PCNX1: variants seen among roughly 807,000 people sequenced by gnomAD.
PCNX1 encodes pecanex 1, also known as pecanex-like protein 1.
In PCNX1, 78 loss-of-function variants were observed where a neutral mutation model predicts 242.2. The ratio of observed to expected loss-of-function variants is 0.32; its 90% CI spans 0.27 to 0.39. The LOEUF (loss-of-function observed/expected upper bound fraction) is 0.39, where lower values mean the gene tolerates loss of function less well. Ranked by LOEUF, PCNX1 falls within the 10% of genes least tolerant of loss-of-function variation. The pLI is 1.00. For synonymous variants in PCNX1, 1,024 were observed against 1,032.9 expected, an observed-to-expected ratio of 0.99 and a Z score of 0.17; for missense variants, 2,581 against 2,856.5, an observed-to-expected ratio of 0.90 and a Z score of 2.20.
intron 30 of PCNX1, chr14:71,092,790 G>T (rs1220963188): frequency 6.6e-6 from 1 of 152,140 alleles, no homozygotes; most frequent in South Asian, 2.1e-4. Flanking sequence ...TGACCCCTAA[G>T]CCTTGAGGGG....
chr14:70,945,605 A>T lies in PCNX1; in HGVS notation c.154-1310A>T, dbSNP rs372878820. ...TTTTTTTTTAAAGAAATTTGATCAT[A>T]CCTGTATTCTAAACCTGTCTGGCCC... is the stretch of plus-strand genomic sequence containing the variant. On this transcript the variant is annotated intron_variant, in intron 1 of 35. Transcript: ENST00000304743. Among the ~76,000 whole-genome samples, 31 of 151,188 alleles carry T rather than the reference A, an allele frequency of 2.1e-4. No individual in the cohort carries two copies. In the East Asian group the frequency reaches 5.2e-3, roughly 26 times the overall value.
At position 70,947,096 on chromosome 14, in the gene PCNX1, C is replaced by T; in HGVS notation, c.335C>T (p.Thr112Ile). 6.2e-7 allele frequency: 1 copy of T among 1,612,104 alleles called. No individual in the cohort carries two copies. Among genetic ancestry groups the T allele is most frequent in the Non-Finnish European group, 8.5e-7 (1 of 1,179,032 alleles). Residue 112 changes from threonine (T) to isoleucine (I), a missense_variant, in exon 2 of 36, where the codon ACC becomes ATC. Physicochemically the swap from Thr to Ile is moderately conservative, Grantham distance 89. Transcript: ENST00000304743. ...AAAGCTGAACAAGGCAACTGTTCAA[C>T]CAGGAGAAAAGACAGCAATGGACCG... ...RTKAEQGNCS[T>I]RRKDSNGPSD...
intron 21 of PCNX1, 81 bp from the exon 22 acceptor site, chr14:71,047,726 A>G: frequency 8.5e-7 from 1 of 1,178,950 alleles, no homozygotes; most frequent in East Asian, 2.4e-5. Flanking sequence ...TTAGTAAAGT[A>G]AATGGTGAAT....
intron 11 of PCNX1, among the ~76,000 whole-genome samples, chr14:71,013,987 T>C (rs2059892279): frequency 1.3e-5 from 2 of 152,190 alleles, no homozygotes; most frequent in African/African-American, 4.8e-5. Context: ...CTTGACTGTT[T>C]GGCAGAGTAT....
chr14:71,045,299 G>C lies in PCNX1; in HGVS notation c.4018+16G>C. The C allele has an allele frequency of 6.4e-7, 1 of 1,571,812 alleles. No homozygotes were observed. Among genetic ancestry groups the C allele is most frequent in the Non-Finnish European group, 8.7e-7 (1 of 1,154,608 alleles). ...GAAGTTCGAAGTAAGTATTTCATTA[G>C]CACTTTTTCTTTTTAATACTATGAG... On this transcript the variant is annotated intron_variant, in intron 20 of 35. Coordinates refer to ENST00000304743, the MANE Select transcript of PCNX1 (RefSeq NM_014982.3).
intron 30 of PCNX1, among the ~76,000 whole-genome samples, chr14:71,095,387 T>C (rs1185155504): frequency 1.3e-5 from 2 of 152,228 alleles, no homozygotes; most frequent in South Asian, 2.1e-4. Flanking sequence ...AAAAAAATAG[T>C]GTATCCTGTG....
At chr14:71,065,710 T>C (rs2061429298) in intron 26 of PCNX1, among the ~76,000 whole-genome samples, 1 of 152,210 alleles carries the variant, frequency 6.6e-6, no homozygotes, top group Non-Finnish European at 1.5e-5. Flanking sequence ...CTGAATGGTA[T>C]TGTCTAGCTT....
intron 18 of PCNX1, among the ~76,000 whole-genome samples, chr14:71,034,980 G>C (rs938241665): frequency 1.3e-5 from 2 of 152,088 alleles, no homozygotes; most frequent in African/African-American, 2.4e-5. Flanking sequence ...AGTAAAATAG[G>C]ACTTAAGCAC....
rs2061719276 is a variant in PCNX1, at chr14:71,076,377, T to G, written c.5295T>G (p.Ile1765Met). The part of the protein sequence containing the change: ...AGISRESFCV[I>M]YLNWIEYCSS... Reference sequence around the variant, plus strand: ...TATCTAGGGAGAGTTTCTGTGTGATTTACCTCAACTGGATAGAGTACTGCT... The same window carrying G: ...TATCTAGGGAGAGTTTCTGTGTGATGTACCTCAACTGGATAGAGTACTGCT... The change falls in exon 28 of 36, where the codon ATT becomes ATG. Residue 1765 changes from isoleucine to methionine, a missense_variant. Ile to Met is a conservative substitution (Grantham distance 10). Around this residue, in one of 9 missense-constraint regions of PCNX1, gnomAD observed 298 missense variants for 480.1 expected, o/e 0.62. Transcript: ENST00000304743. 1.2e-6 allele frequency: 2 copies of G among 1,612,574 alleles called. No homozygotes were observed. Among genetic ancestry groups the G allele is most frequent in the Non-Finnish European group, 1.7e-6 (2 of 1,178,778 alleles).
At chr14:71,044,916 T>G (rs936154430) in intron 19 of PCNX1, among the ~76,000 whole-genome samples, 2 of 152,248 alleles carry the variant, frequency 1.3e-5, no homozygotes, top group Non-Finnish European at 1.5e-5. Flanking sequence ...TTAACCCGTT[T>G]CAAAATATCT....
intron 1 of PCNX1, among the ~76,000 whole-genome samples, chr14:70,934,658 AG>A (rs1341670759): frequency 6.6e-6 from 1 of 152,200 alleles, no homozygotes; most frequent in Non-Finnish European, 1.5e-5. Context: ...ACAAGTCTCT[AG>A]GAAGTTCCAA....
chr14:71,051,290 T>C (rs907005314), intron 23 of PCNX1, among the ~76,000 whole-genome samples: 14 of 151,210 alleles, frequency 9.3e-5, no homozygotes, highest in Non-Finnish European at 1.8e-4. Flanking sequence ...AAGAAAACTA[T>C]ACAGGTTTTG....
At position 71,077,294 on chromosome 14, in the gene PCNX1, A is replaced by C. The variant is rs111978770; in HGVS notation, c.5337+875A>C. Reference sequence around the variant, plus strand: ...TGCAGTGCCAAGGCCTGTGATTACAAAGCTAATTCCTACCACCACTGCTGC... The same window carrying C: ...TGCAGTGCCAAGGCCTGTGATTACACAGCTAATTCCTACCACCACTGCTGC... On this transcript the variant is annotated intron_variant, in intron 28 of 35. Coordinates refer to ENST00000304743, the MANE Select transcript of PCNX1 (RefSeq NM_014982.3). Among the ~76,000 whole-genome samples, 1,218 of 152,298 alleles carry C rather than the reference A, an allele frequency of 8.0e-3. 15 individuals carry two copies. The highest frequency in any genetic ancestry group is 0.028 in the African/African-American group (1,146 of 41,584).
intron 16 of PCNX1, among the ~76,000 whole-genome samples, chr14:71,029,784 G>T (rs553395501): frequency 1.3e-5 from 2 of 152,298 alleles, no homozygotes; most frequent in South Asian, 4.1e-4. Context: ...ATTTCTGGAG[G>T]TTTGGGTACA....
At chr14:70,946,118 A>C (rs1462328660) in intron 1 of PCNX1, among the ~76,000 whole-genome samples, 3 of 152,134 alleles carry the variant, frequency 2.0e-5, no homozygotes, top group Admixed American at 1.3e-4. Flanking sequence ...TGGCTGACTT[A>C]TTTTATTTAA....
intron 27 of PCNX1, among the ~76,000 whole-genome samples, chr14:71,075,725 C>T (rs1378969793): frequency 6.6e-6 from 1 of 151,930 alleles, no homozygotes; most frequent in South Asian, 2.1e-4. Flanking sequence ...GGTGAAAACC[C>T]ATCTCTACTA....
At chr14:70,921,000 G>T (rs115912321) in intron 1 of PCNX1, among the ~76,000 whole-genome samples, 3 of 152,098 alleles carry the variant, frequency 2.0e-5, no homozygotes, top group Non-Finnish European at 4.4e-5. Flanking sequence ...TTCCTTAAAA[G>T]AATGTATGTT....
Position 71,011,550 on chromosome 14 carries a change from G to C in PCNX1, c.2778+1G>C, listed in dbSNP as rs1009690863. The C allele has an allele frequency of 6.6e-7, 1 of 1,504,472 alleles. No individual in the cohort carries two copies. Among genetic ancestry groups the C allele is most frequent in the East Asian group, 2.3e-5 (1 of 44,258 alleles). 93.2% of individuals were successfully genotyped at this position (1,504,472 alleles called of 1,614,324 possible). ...AGTTCGATTTTATCCACATGATGTG[G>C]TAGGTTTTTCTTTATTTTTACAACA... On this transcript the variant is annotated splice_donor_variant, in intron 10 of 35. Transcript: ENST00000304743. LOFTEE classifies it high-confidence loss of function.
At chr14:70,964,233 A>AT (rs897093501) in intron 3 of PCNX1, among the ~76,000 whole-genome samples, 20 of 151,844 alleles carry the variant, frequency 1.3e-4, no homozygotes, top group South Asian at 2.1e-4. Flanking sequence ...CACCTGGCTA[A>AT]TTTTTTTGCA....
Sources: gnomAD v4.1 joint callset for allele counts (sites outside exome capture counted in the v4.1 genomes callset) on GRCh38, gnomAD v4.1.1 for gene constraint, gnomAD v4.1.1 regional missense constraint, MANE v1.5 for transcripts, NCBI Gene and HGNC (gene_info 2026-07-23, HGNC 2026-07-21) for gene names.